The following UGT2B4 variants were observed in gnomAD, a reference collection of about 807,000 sequenced individuals.
UGT2B4 encodes the protein UDP-glucuronosyltransferase 2B4.
A neutral mutation model predicts 49.8 loss-of-function variants in UGT2B4; 49 were observed. The ratio of observed to expected loss-of-function variants is 0.98; its 90% CI spans 0.78 to 1.25. The LOEUF (loss-of-function observed/expected upper bound fraction) is 1.25. Among genes scored for constraint, UGT2B4 ranks in the 50% most tolerant of loss-of-function variants. The pLI, the probability that UGT2B4 is intolerant of heterozygous loss-of-function variation, is 0.00. For missense variants in UGT2B4, 729 were observed against 627.7 expected (o/e 1.16, Z -1.73); for synonymous variants, 246 against 217.7 (o/e 1.13, Z -1.14).
upstream of UGT2B4, among the ~76,000 whole-genome samples, chr4:69,498,581 T>G (rs942255838): frequency 6.6e-6 from 1 of 152,062 alleles, no homozygotes; most frequent in African/African-American, 2.4e-5. Flanking sequence ...TCTCATCTTA[T>G]TCTCAGTTCA....
chr4:69,489,889 T>G (rs1347503402), intron 2 of UGT2B4, among the ~76,000 whole-genome samples: 1 of 152,144 alleles, frequency 6.6e-6, no homozygotes, highest in Non-Finnish European at 1.5e-5. Context: ...AGTACTAATA[T>G]AGGTTCTTTA....
chr4:69,501,921 C>T (rs1372765419), intron 1 of UGT2B4, among the ~76,000 whole-genome samples: 2 of 152,044 alleles, frequency 1.3e-5, no homozygotes, highest in Non-Finnish European at 2.9e-5. Context: ...GAGGGAACTT[C>T]CTGACCCGAG....
chr4:69,501,523 G>T (rs1035926765), intron 1 of UGT2B4, among the ~76,000 whole-genome samples: 1 of 152,142 alleles, frequency 6.6e-6, no homozygotes, highest in African/African-American at 2.4e-5. Flanking sequence ...GATGACTGGG[G>T]TGAAAGTGAT....
chr4:69,524,461 T>C (rs1728924357), intron 1 of UGT2B4, among the ~76,000 whole-genome samples: 1 of 152,094 alleles, frequency 6.6e-6, no homozygotes, highest in Non-Finnish European at 1.5e-5. Flanking sequence ...AAATAATATG[T>C]AATAAGTTTG....
intron 1 of UGT2B4, among the ~76,000 whole-genome samples, chr4:69,524,204 G>A (rs1728911979): frequency 6.6e-6 from 1 of 152,134 alleles, no homozygotes; most frequent in South Asian, 2.1e-4. Flanking sequence ...TTCACAACTA[G>A]GTTAACTGCT....
chr4:69,485,943 T>G lies in UGT2B4; in HGVS notation c.1091-516A>C, dbSNP rs148395791. Among the ~76,000 whole-genome samples, 3 of 152,150 alleles carry G rather than the reference T, an allele frequency of 2.0e-5. No homozygotes were observed. In the East Asian group the frequency reaches 5.8e-4, roughly 30 times the overall value. ...GCCCAGTTAATTTTTTGTATTTTAA[T>G]AGAGACAGAGTTTCACCATGTTGCC... is the stretch of plus-strand genomic sequence containing the variant. On this transcript the variant is annotated intron_variant, in intron 4 of 5. Transcript: ENST00000305107.
chr4:69,496,751 C>T (rs553902701), upstream of UGT2B4, among the ~76,000 whole-genome samples: 6 of 152,206 alleles, frequency 3.9e-5, no homozygotes, highest in South Asian at 1.2e-3. Flanking sequence ...CTATTCTGGA[C>T]ATTTTTTAAA....
chr4:69,500,610 A>AAAGCAAGAAAGCAAGC, upstream of UGT2B4, among the ~76,000 whole-genome samples: 1 of 76,830 alleles, frequency 1.3e-5, no homozygotes, highest in Middle Eastern at 4.8e-3. Flanking sequence ...AGCAAGGAAG[A>AAAGCAAGAAAGCAAGC]AAGAAAGAAA....
chr4:69,494,147 T>C (rs1728075991), intron 1 of UGT2B4, among the ~76,000 whole-genome samples: 1 of 152,136 alleles, frequency 6.6e-6, no homozygotes, highest in Non-Finnish European at 1.5e-5. Flanking sequence ...CTTTATTTTG[T>C]AAACCTTCGA....
At position 69,493,968 on chromosome 4, in the gene UGT2B4, A is replaced by G; in HGVS notation, c.722-127T>C. ...GTGTTTGTGCCTTGAAAAAAAATACATATATTCGTATATAGGCATAATTTA... is the reference window on the plus strand; with the variant it reads ...GTGTTTGTGCCTTGAAAAAAAATACGTATATTCGTATATAGGCATAATTTA... On this transcript the variant is annotated intron_variant, in intron 1 of 5. Transcript: ENST00000305107. 3.1e-6 allele frequency: 3 copies of G among 974,886 alleles called. No homozygotes were observed. In the South Asian group the frequency reaches 5.8e-5, roughly 19 times the overall value. The allele number at this position is 974,886 out of a possible 1,614,324, so 60.4% of individuals were successfully genotyped here.
intron 3 of UGT2B4, among the ~76,000 whole-genome samples, chr4:69,489,079 G>A (rs1011210039): frequency 1.3e-5 from 2 of 152,088 alleles, no homozygotes; most frequent in Non-Finnish European, 2.9e-5. Context: ...TCTAACACCT[G>A]TAGGATGTAC....
intron 5 of UGT2B4, 110 bp downstream of exon 5, chr4:69,485,098 C>A: frequency 1.5e-6 from 2 of 1,348,658 alleles, no homozygotes; most frequent in Non-Finnish European, 2.1e-6. Context: ...GTTTAAATCA[C>A]TTAAATTCTT....
chr4:69,488,329 T>C (rs1476528646), intron 3 of UGT2B4, among the ~76,000 whole-genome samples: 2 of 152,170 alleles, frequency 1.3e-5, no homozygotes, highest in African/African-American at 4.8e-5. Context: ...CAGTGATTCG[T>C]ATGTTTTGCT....
chr4:69,493,837 T>G lies in UGT2B4; in HGVS notation c.726A>C (p.Arg242Ser). The G allele has an allele frequency of 6.3e-7, 1 of 1,590,326 alleles. No homozygotes were observed. Among genetic ancestry groups the G allele is most frequent in the Non-Finnish European group, 8.5e-7 (1 of 1,171,762 alleles). ...CCATTGTCTCAGATAACGTAGTGGG[T>G]CTTCCTGATGGGGGAAAAAAAAAGA... ...WDQFYSEVLG[R>S]PTTLSETMAK... The change falls in exon 2 of 6, where the codon AGA becomes AGC. Residue 242 changes from arginine to serine, a missense_variant. Transcript: ENST00000305107.
At chr4:69,490,192 A>C (rs1727938983) in intron 2 of UGT2B4, among the ~76,000 whole-genome samples, 1 of 152,098 alleles carries the variant, frequency 6.6e-6, no homozygotes. Context: ...GACATTATGG[A>C]GTCTGCTGTT....
At chr4:69,506,384 A>G (rs1728468323) in intron 1 of UGT2B4, among the ~76,000 whole-genome samples, 1 of 152,144 alleles carries the variant, frequency 6.6e-6, no homozygotes, top group Admixed American at 6.6e-5. Flanking sequence ...ATCAGAAATG[A>G]CAAGGAGGAG....
intron 1 of UGT2B4, chr4:69,518,506 A>G (rs1200220725): frequency 1.3e-5 from 2 of 152,192 alleles, no homozygotes; most frequent in African/African-American, 4.8e-5. Context: ...TTAAATATTA[A>G]AGATTACTAG....
intron 1 of UGT2B4, chr4:69,518,101 A>G (rs948218817): frequency 2.0e-5 from 3 of 152,282 alleles, no homozygotes; most frequent in African/African-American, 7.2e-5. Flanking sequence ...GCTTGACAAG[A>G]CATTCAGGAC....
upstream of UGT2B4, among the ~76,000 whole-genome samples, chr4:69,499,612 T>C (rs139393971): frequency 3.0e-3 from 462 of 152,348 alleles, 1 homozygote; most frequent in Non-Finnish European, 3.8e-3. Context: ...TTTACCATTA[T>C]GTAATAGCCT....
Sources: gnomAD v4.1 joint callset for allele counts (sites outside exome capture counted in the v4.1 genomes callset) on GRCh38, gnomAD v4.1.1 for gene constraint, MANE v1.5 for transcripts, NCBI Gene and HGNC (gene_info 2026-07-23, HGNC 2026-07-21) for gene names.